The following MICAL2 variants were observed in gnomAD, a reference collection of about 807,000 sequenced individuals.
MICAL2 encodes microtubule associated monooxygenase, calponin and LIM domain containing 2, also known as [F-actin]-monooxygenase MICAL2.
A neutral mutation model predicts 127.3 loss-of-function variants in MICAL2; 77 were observed. The observed-to-expected ratio is 0.60, with a 90% CI of 0.50 to 0.73. The LOEUF is 0.73. MICAL2 is among the 30% of genes least tolerant of loss of function. The pLI is 0.00. For synonymous variants in MICAL2, 570 were observed against 551.1 expected, an observed-to-expected ratio of 1.03 and a Z score of -0.48; for missense variants, 1,351 against 1,434.4, an observed-to-expected ratio of 0.94 and a Z score of 0.94.
intron 2 of MICAL2, among the ~76,000 whole-genome samples, chr11:12,161,095 G>C (rs1397243815): frequency 1.3e-5 from 2 of 152,196 alleles, no homozygotes; most frequent in African/African-American, 2.4e-5. Flanking sequence ...CCTCCTGACA[G>C]CTGGGTCAGC....
chr11:12,189,701 C>T (rs1408344504), intron 3 of MICAL2, among the ~76,000 whole-genome samples: 1 of 152,172 alleles, frequency 6.6e-6, no homozygotes, highest in African/African-American at 2.4e-5. Context: ...GGAAATCCTG[C>T]CTTCCATATG....
At chr11:12,195,206 G>A (rs189655696) in intron 3 of MICAL2, among the ~76,000 whole-genome samples, 440 of 152,286 alleles carry the variant, frequency 2.9e-3, no homozygotes, top group African/African-American at 0.01. Context: ...GCAGTGAGCC[G>A]TGATTGTGGC....
chr11:12,177,606 C>A (rs1363817693), intron 3 of MICAL2, among the ~76,000 whole-genome samples: 2 of 152,170 alleles, frequency 1.3e-5, no homozygotes, highest in African/African-American at 4.8e-5. Flanking sequence ...CCTACATTTT[C>A]TTCTAGGAGT....
At chr11:12,336,717 G>A (rs1229497727) in intron 32 of MICAL2, among the ~76,000 whole-genome samples, 1 of 151,954 alleles carries the variant, frequency 6.6e-6, no homozygotes, top group African/African-American at 2.4e-5. Flanking sequence ...TAATCATGTG[G>A]TTTTTGTCTT....
chr11:12,216,022 T>C (rs1242829357), intron 7 of MICAL2, among the ~76,000 whole-genome samples, 197 bp from the exon 8 acceptor site: 1 of 152,218 alleles, frequency 6.6e-6, no homozygotes, highest in Non-Finnish European at 1.5e-5. Context: ...TATAGAACTA[T>C]AGAAGCTAGC....
At chr11:12,203,840 A>G (rs1213908449) in intron 3 of MICAL2, among the ~76,000 whole-genome samples, 3 of 152,148 alleles carry the variant, frequency 2.0e-5, no homozygotes, top group Non-Finnish European at 4.4e-5. Context: ...CTAATTCAAG[A>G]CCACAAAGAT....
Position 12,147,503 on chromosome 11 carries a change from C to G in MICAL2, c.-78+9043C>G, listed in dbSNP as rs554418899. Among the ~76,000 whole-genome samples the G allele has an allele frequency of 2.4e-4, 36 of 152,326 alleles. No individual in the cohort carries two copies. In the East Asian group the frequency reaches 6.7e-3, roughly 29 times the overall value. ...TTGATTACCAACTGAGAACCCAGAG[C>G]TGGGGTGAATACTCTGGGAAATAGA... On this transcript the variant is annotated intron_variant, in intron 2 of 27. Coordinates refer to ENST00000683283, the MANE Select transcript of MICAL2 (RefSeq NM_001282663.2).
chr11:12,267,346 C>T (rs890395934), downstream of MICAL2, among the ~76,000 whole-genome samples: 3 of 152,220 alleles, frequency 2.0e-5, no homozygotes, highest in African/African-American at 7.2e-5. Flanking sequence ...CTTAGCCTTC[C>T]CCATTTCTGG....
intron 3 of MICAL2, among the ~76,000 whole-genome samples, chr11:12,186,286 C>T (rs10831753): frequency 0.75 from 113,931 of 151,942 alleles, 44,004 homozygotes; most frequent in Non-Finnish European, 0.85. Flanking sequence ...TTTGGTTTGA[C>T]TGAATAACAG....
At chr11:12,258,382 G>A (rs189216355) in intron 24 of MICAL2, 86 bp from the exon 25 acceptor site, 2 of 1,006,806 alleles carry the variant, frequency 2.0e-6, no homozygotes, top group Non-Finnish European at 3.2e-6. Flanking sequence ...TTCTGACTTG[G>A]ACAGTGGTGG....
rs148895061 is a variant in MICAL2 at position 12,180,149 on chromosome 11, G to A, written c.264+17730G>A. Among the ~76,000 whole-genome samples the A allele has an allele frequency of 1.6e-4, 24 of 152,064 alleles. No homozygotes were observed. The East Asian group carries it at 4.4e-3, about 28-fold the overall frequency. On this transcript the variant is annotated intron_variant, in intron 3 of 27. Transcript: ENST00000683283. ...AGAGGCCTTGGGGTTAGCAAAGACCGTGACTACCTTGTATTGTCTACTTGG... is the reference window on the plus strand; with the variant it reads ...AGAGGCCTTGGGGTTAGCAAAGACCATGACTACCTTGTATTGTCTACTTGG...
At chr11:12,262,243 G>A in intron 26 of MICAL2, 3 of 1,396,868 alleles carry the variant, frequency 2.1e-6, no homozygotes, top group Non-Finnish European at 2.8e-6. Context: ...GGATATCAGG[G>A]AGCAAGATGC....
At chr11:12,330,847 GACAGAGAGA>G in intron 32 of MICAL2, among the ~76,000 whole-genome samples, 1 of 151,264 alleles carries the variant, frequency 6.6e-6, no homozygotes, top group Non-Finnish European at 1.5e-5. Flanking sequence ...GAGAGAGAGA[GACAGAGAGA>G]GGGGTAGAGA....
At chr11:12,141,364 G>C (rs949943216) in intron 2 of MICAL2, among the ~76,000 whole-genome samples, 1 of 152,178 alleles carries the variant, frequency 6.6e-6, no homozygotes, top group African/African-American at 2.4e-5. Flanking sequence ...CTTGACTTCT[G>C]TGGTCCTGGT....
Position 12,236,209 on chromosome 11 carries a change from CA to C in MICAL2, c.2031del (p.Lys677AsnfsTer60). The C allele has an allele frequency of 6.2e-7, 1 of 1,614,192 alleles. No homozygotes were observed. Among genetic ancestry groups the C allele is most frequent in the Non-Finnish European group, 8.5e-7 (1 of 1,180,042 alleles). ...DGQTGENDMN[K>X]RRRKGFTNLD... ...GTCAAACCGGAGAGAATGACATGAA[CA>C]AACGGAGACGGAAGGGCTTCACCAA... On this transcript the variant is annotated frameshift_variant, in exon 16 of 28. Coordinates refer to ENST00000683283, the MANE Select transcript of MICAL2 (RefSeq NM_001282663.2). LOFTEE classifies it high-confidence loss of function.
At chr11:12,213,504 G>A (rs1855779536) in intron 7 of MICAL2, 94 bp downstream of exon 7, 3 of 1,280,778 alleles carry the variant, frequency 2.3e-6, no homozygotes, top group Non-Finnish European at 3.2e-6. Context: ...TGGGCTCTTG[G>A]GCCTCGAGGG....
At chr11:12,224,601 GA>G (rs1857192975) in intron 12 of MICAL2, 71 bp from the exon 13 acceptor site, 4 of 1,559,064 alleles carry the variant, frequency 2.6e-6, no homozygotes, top group Non-Finnish European at 3.5e-6. Flanking sequence ...TGGTGGCAAT[GA>G]GAAGGGAGCG....
At chr11:12,279,233 G>A (rs764193872) in intron 1 of MICAL2, among the ~76,000 whole-genome samples, 32 of 152,246 alleles carry the variant, frequency 2.1e-4, no homozygotes, top group Non-Finnish European at 3.5e-4. Flanking sequence ...GAGCCCAGTC[G>A]GATATGTATA....
intron 30 of MICAL2, among the ~76,000 whole-genome samples, chr11:12,320,820 A>G (rs763381850): frequency 6.6e-6 from 1 of 151,998 alleles, no homozygotes; most frequent in Non-Finnish European, 1.5e-5. Context: ...GGAGAGAGGA[A>G]GAAAGAGGGA....
Sources: allele counts gnomAD v4.1 joint callset (sites outside exome capture counted in the v4.1 genomes callset), GRCh38; gene constraint gnomAD v4.1.1; transcripts MANE v1.5; gene names NCBI Gene and HGNC (gene_info 2026-07-23, HGNC 2026-07-21).